DIP2A: variants seen among roughly 807,000 people sequenced by gnomAD.
DIP2A encodes disco-interacting protein 2 homolog A.
A neutral mutation model predicts 177.4 loss-of-function variants in DIP2A; 85 were observed. The ratio of observed to expected loss-of-function variants is 0.48; its 90% CI spans 0.40 to 0.57. DIP2A has a LOEUF of 0.57. Ranked by LOEUF, DIP2A falls within the 20% of genes least tolerant of loss-of-function variation. The pLI, the probability that DIP2A is intolerant of heterozygous loss-of-function variation, is 0.00. For missense variants in DIP2A, 1,791 were observed against 2,100.2 expected, an observed-to-expected ratio of 0.85 and a Z score of 2.88; for synonymous variants, 886 against 881.8, an observed-to-expected ratio of 1.00 and a Z score of -0.08.
chr21:46,547,110 A>G (rs2060084968), intron 21 of DIP2A, 68 bp downstream of exon 21: 2 of 1,571,838 alleles, frequency 1.3e-6, no homozygotes, highest in Admixed American at 3.5e-5. Flanking sequence ...GTCTTTGTGC[A>G]GTAGATGGAA....
At chr21:46,463,349 C>G (rs2054490029) in intron 1 of DIP2A, 1 of 152,220 alleles carries the variant, frequency 6.6e-6, no homozygotes, top group Admixed American at 6.5e-5. Context: ...CTGTACGTGT[C>G]TTGGAGCTAT....
intron 8 of DIP2A, among the ~76,000 whole-genome samples, chr21:46,526,428 T>G (rs1318828920): frequency 1.3e-5 from 2 of 150,080 alleles, no homozygotes; most frequent in Admixed American, 1.3e-4. Flanking sequence ...AGAGTTTCGC[T>G]TTGTTGTCCA....
At chr21:46,477,613 G>A (rs1197743450) in intron 1 of DIP2A, among the ~76,000 whole-genome samples, 3 of 111,426 alleles carry the variant, frequency 2.7e-5, no homozygotes, top group Non-Finnish European at 3.7e-5. Context: ...TTGTCCTGTC[G>A]CCCAGGCTGG....
At chr21:46,495,208 TC>T (rs1443985919) in intron 3 of DIP2A, among the ~76,000 whole-genome samples, 32 of 94,560 alleles carry the variant, frequency 3.4e-4, no homozygotes, top group African/African-American at 1.6e-3. Flanking sequence ...TCTTCTCTTC[TC>T]TTCTCTTCTC....
At chr21:46,470,438 C>G (rs531540818) in intron 1 of DIP2A, among the ~76,000 whole-genome samples, 14 of 148,378 alleles carry the variant, frequency 9.4e-5, no homozygotes, top group African/African-American at 3.3e-4. Context: ...CGTGCCATTG[C>G]ACTCCAGTCT....
chr21:46,541,075 TGTC>T (rs1028971543), intron 17 of DIP2A, among the ~76,000 whole-genome samples: 1 of 152,256 alleles, frequency 6.6e-6, no homozygotes, highest in East Asian at 1.9e-4. Flanking sequence ...AAAACGCTAT[TGTC>T]GTCTACAAAC....
At position 46,503,571 on chromosome 21, in the gene DIP2A, T is replaced by TTCCTTCCTTCCTTCCTTC. The variant is rs2057778973; in HGVS notation, c.656-790_656-789insTCCTTCCTTCCTTCCTTC. Among the ~76,000 whole-genome samples the TTCCTTCCTTCCTTCCTTC allele has an allele frequency of 1.4e-4, 12 of 83,760 alleles. 1 individual carries two copies. Among genetic ancestry groups the TTCCTTCCTTCCTTCCTTC allele is most frequent in the African/African-American group, 4.2e-4 (9 of 21,460 alleles). 54.9% of individuals were successfully genotyped at this position (83,760 alleles called of 152,430 possible). A position where few individuals can be genotyped will look rare whatever the true frequency, so the allele number is the denominator to read the frequency against. ...TTGTTTCTGCTTCCTTGAGGGAATT[T>TTCCTTCCTTCCTTCCTTC]CTTCCTTCCTTCCTTCCTTCCTTCC... On this transcript the variant is annotated intron_variant, in intron 5 of 37. Coordinates refer to ENST00000417564, the MANE Select transcript of DIP2A (RefSeq NM_015151.4).
At position 46,551,857 on chromosome 21, in the gene DIP2A, G is replaced by T. The variant is rs369963341; in HGVS notation, c.2983G>T (p.Ala995Ser). Residue 995 changes from alanine to serine, a missense_variant, in exon 25 of 38, where the codon GCC becomes TCC. Physicochemically the swap from Ala to Ser is moderately conservative, Grantham distance 99. Transcript: ENST00000417564. Reference sequence around the variant, plus strand: ...CCTGGCTGACGTGCTGCAGTGGCGTGCCCACACCACTCCTGACCACCCGCT... The same window carrying T: ...CCTGGCTGACGTGCTGCAGTGGCGTTCCCACACCACTCCTGACCACCCGCT... ...LFLADVLQWRAHTTPDHPLFL... is the reference protein window; with the variant it reads ...LFLADVLQWRSHTTPDHPLFL... 8 of 1,611,730 alleles carry T rather than the reference G, an allele frequency of 5.0e-6. No individual in the cohort carries two copies. Among genetic ancestry groups the T allele is most frequent in the Middle Eastern group, 1.6e-4 (1 of 6,074 alleles).
chr21:46,530,757 C>T (rs898802113), intron 9 of DIP2A, among the ~76,000 whole-genome samples: 3 of 152,144 alleles, frequency 2.0e-5, no homozygotes, highest in Admixed American at 1.3e-4. Context: ...CACACCAAAA[C>T]GCATGCCCAT....
chr21:46,459,011 C>A lies in DIP2A; in HGVS notation c.-121C>A, dbSNP rs1195545761. On this transcript the variant is annotated 5_prime_UTR_variant, in exon 1 of 38. Transcript: ENST00000417564. Reference sequence around the variant, plus strand: ...GCCGCGCCCCTGTCCCGCCGCCTCCCGCTCCTCGCCTGGCGGATGTAGGTT... The same window carrying A: ...GCCGCGCCCCTGTCCCGCCGCCTCCAGCTCCTCGCCTGGCGGATGTAGGTT... The A allele has an allele frequency of 2.4e-6, 2 of 825,760 alleles. No homozygotes were observed. Among genetic ancestry groups the A allele is most frequent in the East Asian group, 3.4e-5 (1 of 29,210 alleles). The allele number at this position is 825,760 out of a possible 1,614,324, so 51.2% of individuals were successfully genotyped here. A position where few individuals can be genotyped will look rare whatever the true frequency, so the allele number is the denominator to read the frequency against.
chr21:46,518,975 A>T (rs1259127587), intron 8 of DIP2A, among the ~76,000 whole-genome samples: 1 of 152,232 alleles, frequency 6.6e-6, no homozygotes, highest in Non-Finnish European at 1.5e-5. Flanking sequence ...ACTTAGAGTT[A>T]TTTCTTGACT....
At chr21:46,479,483 A>G (rs2056176976) in intron 1 of DIP2A, among the ~76,000 whole-genome samples, 2 of 152,240 alleles carry the variant, frequency 1.3e-5, no homozygotes, top group South Asian at 2.1e-4. Flanking sequence ...TGGACATTCA[A>G]ACACTGCTGT....
Position 46,534,078 on chromosome 21 carries a change from G to A in DIP2A, c.1504G>A (p.Ala502Thr), listed in dbSNP as rs1400460964. Residue 502 changes from alanine to threonine, a missense_variant, in exon 12 of 38, where the codon GCC (alanine) becomes ACC (threonine). Coordinates refer to ENST00000417564, the MANE Select transcript of DIP2A (RefSeq NM_015151.4). ...GCCCCCAAAGGACTGGCACCCTCTG[G>A]CCCAGGACACAGGGACTGGGACTGC... ...AKPPKDWHPL[A>T]QDTGTGTAYI... is the part of the protein sequence containing the mutation. 6.2e-7 allele frequency: 1 copy of A among 1,613,844 alleles called. No homozygotes were observed. The highest frequency in any genetic ancestry group is 1.1e-5 in the South Asian group (1 of 91,054).
chr21:46,509,669 ATACT>A (rs1960210358), intron 7 of DIP2A, among the ~76,000 whole-genome samples: 1 of 152,196 alleles, frequency 6.6e-6, no homozygotes, highest in African/African-American at 2.4e-5. Context: ...TAACTCTGAA[ATACT>A]TACCTTCTTG....
Position 46,495,240 on chromosome 21 carries a change from TTCTTTC to T in DIP2A, c.284-1744_284-1739del, listed in dbSNP as rs2057271867. On this transcript the variant is annotated intron_variant, in intron 3 of 37. Coordinates refer to ENST00000417564, the MANE Select transcript of DIP2A (RefSeq NM_015151.4). Reference sequence around the variant, plus strand: ...TTCTCTTCTCTTCTCTTCTCTTCTCTTCTTTCTCTCTCTCTCTCTCTCTCTCTCTCT... The same window carrying T: ...TTCTCTTCTCTTCTCTTCTCTTCTCTTCTCTCTCTCTCTCTCTCTCTCTCT... Among the ~76,000 whole-genome samples the T allele has an allele frequency of 2.0e-3, 97 of 47,882 alleles. 1 individual carries two copies. Among genetic ancestry groups the T allele is most frequent in the African/African-American group, 9.5e-3 (71 of 7,470 alleles). The allele number at this position is 47,882 out of a possible 152,430, so 31.4% of individuals were successfully genotyped here.
At chr21:46,534,497 C>A (rs1259363645) in intron 12 of DIP2A, 88 bp from the exon 13 acceptor site, 25 of 1,301,568 alleles carry the variant, frequency 1.9e-5, no homozygotes, top group Non-Finnish European at 2.6e-5. Flanking sequence ...CTGACCACTT[C>A]TTCTTTTGAA....
chr21:46,489,076 C>T (rs1601465974), intron 2 of DIP2A, among the ~76,000 whole-genome samples: 1 of 148,104 alleles, frequency 6.8e-6, no homozygotes, highest in East Asian at 1.9e-4. Context: ...TATATATACA[C>T]ACACAGACAC....
At chr21:46,509,035 C>CAA (rs201320788) in intron 6 of DIP2A, among the ~76,000 whole-genome samples, 1 of 150,882 alleles carries the variant, frequency 6.6e-6, no homozygotes, top group Non-Finnish European at 1.5e-5. Context: ...AAAACAAAAA[C>CAA]AAAAAAAAAC....
At chr21:46,518,280 G>A (rs1299629220) in intron 8 of DIP2A, among the ~76,000 whole-genome samples, 9 of 152,336 alleles carry the variant, frequency 5.9e-5, no homozygotes, top group Non-Finnish European at 1.2e-4. Flanking sequence ...AGGAGTGGAA[G>A]TACTAGGTCT....
Sources: gnomAD v4.1 joint callset for allele counts (sites outside exome capture counted in the v4.1 genomes callset) on GRCh38, gnomAD v4.1.1 for gene constraint, MANE v1.5 for transcripts, NCBI Gene and HGNC (gene_info 2026-07-23, HGNC 2026-07-21) for gene names.